The following CADM2 variants were observed in gnomAD, a reference collection of about 807,000 sequenced individuals.
CADM2 encodes cell adhesion molecule 2.
Under a neutral mutation model 49.8 loss-of-function variants are expected in CADM2, and 12 were observed. That is an observed-to-expected ratio of 0.24 (90% CI 0.15 to 0.39). CADM2 has a LOEUF of 0.39. CADM2 is among the 10% of genes least tolerant of loss of function. The probability of loss-of-function intolerance (pLI) is 1.00; values close to 1 mark genes in which losing one functional copy is unlikely to be tolerated. For missense variants in CADM2, 378 were observed against 492.3 expected (o/e 0.77, Z 2.20); for synonymous variants, 214 against 175.4 (o/e 1.22, Z -1.74).
At chr3:86,058,505 A>G (rs901832197) in intron 8 of CADM2, among the ~76,000 whole-genome samples, 1 of 152,174 alleles carries the variant, frequency 6.6e-6, no homozygotes, top group East Asian at 1.9e-4. Flanking sequence ...CACAGATAGC[A>G]GTAAATGGTT....
Position 85,156,268 on chromosome 3 carries a change from G to A in CADM2, c.61+196600G>A, listed in dbSNP as rs147822666. 3.5e-3 allele frequency among the ~76,000 whole-genome samples: 536 copies of A among 151,890 alleles called. 4 individuals are homozygous for A. The highest frequency in any genetic ancestry group is 0.017 in the Middle Eastern group (5 of 294). ...AAAAAGAGAGAAGAATCAAATAGAC[G>A]CAATAAAAACTGATAAAGGGGATAT... On this transcript the variant is annotated intron_variant, in intron 1 of 9. Transcript: ENST00000383699.
chr3:85,178,675 T>C (rs1169338446), intron 1 of CADM2, among the ~76,000 whole-genome samples: 1 of 151,904 alleles, frequency 6.6e-6, no homozygotes, highest in African/African-American at 2.4e-5. Context: ...GATAGACTAT[T>C]ATTGAAATAA....
intron 1 of CADM2, among the ~76,000 whole-genome samples, chr3:85,601,049 C>A (rs1425166335): frequency 1.4e-5 from 2 of 146,964 alleles, no homozygotes; most frequent in Non-Finnish European, 1.5e-5. Flanking sequence ...CATATACATA[C>A]CTATATTTAT....
intron 2 of CADM2, among the ~76,000 whole-genome samples, chr3:85,737,129 A>G (rs141442771): frequency 1.2e-4 from 19 of 152,294 alleles, no homozygotes; most frequent in African/African-American, 4.3e-4. Context: ...TCTTGTCCTC[A>G]TGTTAGCCCA....
intron 1 of CADM2, among the ~76,000 whole-genome samples, chr3:85,688,269 T>G (rs981616781): frequency 6.6e-6 from 1 of 152,118 alleles, no homozygotes; most frequent in Non-Finnish European, 1.5e-5. Context: ...TAATATAACA[T>G]CTACCCTTTT....
intron 1 of CADM2, among the ~76,000 whole-genome samples, chr3:84,991,984 G>A (rs1415348851): frequency 6.6e-6 from 1 of 152,172 alleles, no homozygotes; most frequent in Non-Finnish European, 1.5e-5. Context: ...CTGGTTACTA[G>A]GTGTTAGGGA....
intron 6 of CADM2, 136 bp downstream of exon 6, chr3:85,912,679 C>G (rs1717773310): frequency 6.5e-6 from 5 of 770,522 alleles, no homozygotes; most frequent in Non-Finnish European, 4.2e-6. Flanking sequence ...AAACTACATT[C>G]ACTAGTATTA....
intron 1 of CADM2, among the ~76,000 whole-genome samples, chr3:85,677,281 C>T (rs2065912058): frequency 1.3e-5 from 2 of 152,072 alleles, no homozygotes; most frequent in African/African-American, 4.8e-5. Flanking sequence ...TTTTTAGCTT[C>T]ATTTAAAACA....
At chr3:85,051,840 G>T (rs1363023538) in intron 1 of CADM2, among the ~76,000 whole-genome samples, 1 of 152,130 alleles carries the variant, frequency 6.6e-6, no homozygotes, top group African/African-American at 2.4e-5. Context: ...CTGGGGGGAA[G>T]TAAAGCTAAG....
intron 1 of CADM2, among the ~76,000 whole-genome samples, chr3:85,372,405 GTA>G (rs201245268): frequency 3.4e-4 from 46 of 133,444 alleles, no homozygotes; most frequent in East Asian, 1.1e-3. Flanking sequence ...ATATGTATAT[GTA>G]TATATATGTA....
At chr3:85,810,575 C>T (rs1013811563) in intron 3 of CADM2, among the ~76,000 whole-genome samples, 3 of 117,306 alleles carry the variant, frequency 2.6e-5, no homozygotes, top group Admixed American at 1.2e-4. Flanking sequence ...AGTCTCACTT[C>T]GTCACCCAGG....
intron 8 of CADM2, among the ~76,000 whole-genome samples, chr3:86,010,841 G>T (rs1379710386): frequency 6.6e-6 from 1 of 151,288 alleles, no homozygotes. Context: ...AAATAATCAA[G>T]AAATTAATTG....
intron 1 of CADM2, among the ~76,000 whole-genome samples, chr3:85,355,391 G>A (rs1429189402): frequency 1.3e-5 from 2 of 152,040 alleles, no homozygotes; most frequent in African/African-American, 2.4e-5. Context: ...CAATTTTTAA[G>A]GTTACTCTAG....
intron 6 of CADM2, among the ~76,000 whole-genome samples, chr3:85,926,302 T>C (rs2108515304): frequency 6.6e-6 from 1 of 152,074 alleles, no homozygotes; most frequent in East Asian, 1.9e-4. Flanking sequence ...TGTGGGATGT[T>C]TAGCAGCACT....
At chr3:85,505,180 A>G (rs934570102) in intron 1 of CADM2, among the ~76,000 whole-genome samples, 1 of 152,256 alleles carries the variant, frequency 6.6e-6, no homozygotes, top group Non-Finnish European at 1.5e-5. Context: ...GAGCCCAGGC[A>G]GAGGAGGCGC....
At chr3:85,501,138 A>C (rs1055989399) in intron 1 of CADM2, among the ~76,000 whole-genome samples, 8 of 152,196 alleles carry the variant, frequency 5.3e-5, no homozygotes, top group African/African-American at 1.9e-4. Context: ...ATTCAGTTTT[A>C]CTTATTTGCA....
chr3:85,132,183 GTTGATCTTCA>G (rs1379282760), intron 1 of CADM2, among the ~76,000 whole-genome samples: 1 of 152,150 alleles, frequency 6.6e-6, no homozygotes, highest in African/African-American at 2.4e-5. Flanking sequence ...GTTAAAAAAG[GTTGATCTTCA>G]GTTTCTGATA....
At chr3:85,912,296 T>C in intron 5 of CADM2, 77 bp from the exon 6 acceptor site, 1 of 1,042,902 alleles carries the variant, frequency 9.6e-7, no homozygotes, top group Non-Finnish European at 1.3e-6. Flanking sequence ...GGAGAAGCTG[T>C]TTCCATTATC....
intron 1 of CADM2, among the ~76,000 whole-genome samples, chr3:85,681,562 T>C (rs1211711535): frequency 2.0e-5 from 3 of 152,188 alleles, no homozygotes; most frequent in African/African-American, 4.8e-5. Context: ...GTATGATTTA[T>C]GATATCAGAA....
Sources: allele counts gnomAD v4.1 joint callset (sites outside exome capture counted in the v4.1 genomes callset), GRCh38; gene constraint gnomAD v4.1.1; transcripts MANE v1.5; gene names NCBI Gene and HGNC (gene_info 2026-07-23, HGNC 2026-07-21).